The following LITAF variants were observed in gnomAD, a reference collection of about 807,000 sequenced individuals.
The protein encoded by LITAF is lipopolysaccharide-induced tumor necrosis factor-alpha factor.
Under a neutral mutation model 14.5 loss-of-function variants are expected in LITAF, and 9 were observed. The observed-to-expected ratio is 0.62, with a 90% CI of 0.37 to 1.08. The LOEUF (loss-of-function observed/expected upper bound fraction) is 1.08. Ranked by LOEUF, LITAF falls within the 50% of genes least tolerant of loss-of-function variation. LITAF has a pLI of 0.01. For synonymous variants in LITAF, 98 were observed against 88.2 expected (o/e 1.11, Z -0.62); for missense variants, 206 against 213.4 (o/e 0.97, Z 0.22).
intron 3 of LITAF, among the ~76,000 whole-genome samples, chr16:11,603,851 T>A (rs1024948622): frequency 6.6e-6 from 1 of 150,676 alleles, no homozygotes; most frequent in Admixed American, 6.6e-5. Context: ...GAGACCATCC[T>A]GGCTAACACA....
chr16:11,623,205 C>G (rs2065062239), intron 3 of LITAF, among the ~76,000 whole-genome samples: 1 of 151,454 alleles, frequency 6.6e-6, no homozygotes, highest in South Asian at 2.1e-4. Flanking sequence ...TTGTGATCCA[C>G]CTGCCTCAGC....
At chr16:11,593,354 C>CAAAAAAA (rs57678584) in intron 1 of LITAF, among the ~76,000 whole-genome samples, 2 of 54,750 alleles carry the variant, frequency 3.7e-5, no homozygotes, top group African/African-American at 7.1e-5. Context: ...AACTCTGTCT[C>CAAAAAAA]AAAAAAAAAA....
chr16:11,590,141 AGAG>A (rs1183487617), upstream of LITAF, among the ~76,000 whole-genome samples: 10 of 90,858 alleles, frequency 1.1e-4, 3 homozygotes, highest in African/African-American at 4.6e-4. Context: ...AAAAAAAAAA[AGAG>A]AGAGAGAGAA....
chr16:11,640,131 G>C (rs559367830), upstream of LITAF, among the ~76,000 whole-genome samples: 1 of 152,182 alleles, frequency 6.6e-6, no homozygotes, highest in Non-Finnish European at 1.5e-5. Context: ...TAGAAAGGGA[G>C]GTCCACTCTG....
At position 11,549,848 on chromosome 16, in the gene LITAF, G is replaced by T. The variant is rs1182778530; in HGVS notation, c.378-103C>A. On this transcript the variant is annotated intron_variant, in intron 3 of 3. Coordinates refer to ENST00000622633, the MANE Select transcript of LITAF (RefSeq NM_001136472.2). The surrounding 1 kb of genome is among the most constrained non-coding windows in gnomAD (Gnocchi z 4.6). Reference sequence around the variant, plus strand: ...GTCCTTCTTTGTAAAAAGGGTCTTTGCCAGTATAATTAGGAATTTTGAGAT... The same window carrying T: ...GTCCTTCTTTGTAAAAAGGGTCTTTTCCAGTATAATTAGGAATTTTGAGAT... 1.1e-6 allele frequency: 1 copy of T among 925,218 alleles called. No homozygotes were observed. Among genetic ancestry groups the T allele is most frequent in the Admixed American group, 2.0e-5 (1 of 49,670 alleles). 57.3% of individuals were successfully genotyped at this position (925,218 alleles called of 1,614,324 possible). A position where few individuals can be genotyped will look rare whatever the true frequency, so the allele number is the denominator to read the frequency against.
At chr16:11,606,098 T>A (rs968124136) in intron 3 of LITAF, among the ~76,000 whole-genome samples, 3 of 152,286 alleles carry the variant, frequency 2.0e-5, no homozygotes, top group Non-Finnish European at 2.9e-5. Flanking sequence ...CTCTACACCC[T>A]ACTCACCATC....
At chr16:11,565,982 AG>A (rs2064446105) in intron 1 of LITAF, among the ~76,000 whole-genome samples, 1 of 151,910 alleles carries the variant, frequency 6.6e-6, no homozygotes. Flanking sequence ...GCATGACTTT[AG>A]TGCCTCAGTT....
chr16:11,637,788 G>A (rs987233781), upstream of LITAF, among the ~76,000 whole-genome samples: 1 of 150,446 alleles, frequency 6.6e-6, no homozygotes. Context: ...GGCTGAGGTG[G>A]GAGCATCACT....
chr16:11,612,145 G>T (rs1184440250), intron 3 of LITAF, among the ~76,000 whole-genome samples: 1 of 152,190 alleles, frequency 6.6e-6, no homozygotes, highest in African/African-American at 2.4e-5. Context: ...GTGGAAACAG[G>T]GTCTCAAAGT....
intron 3 of LITAF, among the ~76,000 whole-genome samples, chr16:11,629,459 T>C (rs1403768496): frequency 1.3e-5 from 2 of 152,162 alleles, no homozygotes; most frequent in African/African-American, 4.8e-5. Context: ...AAGAGTTTTC[T>C]GAGTCAGTCC....
intron 3 of LITAF, among the ~76,000 whole-genome samples, chr16:11,619,617 A>G (rs1341195068): frequency 6.6e-6 from 1 of 151,620 alleles, no homozygotes; most frequent in Non-Finnish European, 1.5e-5. Context: ...ACCAGGCTGG[A>G]GTGCAGTGGT....
intron 3 of LITAF, among the ~76,000 whole-genome samples, chr16:11,633,063 C>T (rs2065125384): frequency 6.6e-6 from 1 of 152,186 alleles, no homozygotes; most frequent in African/African-American, 2.4e-5. Flanking sequence ...GTCTCTCTAG[C>T]CCCGTCACCC....
intron 1 of LITAF, among the ~76,000 whole-genome samples, chr16:11,596,862 GCA>G (rs1190682008): frequency 1.3e-5 from 2 of 151,772 alleles, no homozygotes; most frequent in Non-Finnish European, 2.9e-5. Flanking sequence ...ACAGTGATGG[GCA>G]CACAAGCTGA....
chr16:11,636,408 A>C (rs11640441), upstream of LITAF: 1 of 152,116 alleles, frequency 6.6e-6, no homozygotes, highest in Non-Finnish European at 1.5e-5. Flanking sequence ...AAGGTTTTAC[A>C]GATGAGCTTG....
upstream of LITAF, among the ~76,000 whole-genome samples, chr16:11,591,629 C>G (rs934762345): frequency 6.6e-6 from 1 of 152,128 alleles, no homozygotes; most frequent in Non-Finnish European, 1.5e-5. Context: ...ATGCCAAGAC[C>G]ATTCAATGGA....
chr16:11,617,775 C>T (rs549311531), intron 3 of LITAF, among the ~76,000 whole-genome samples: 3 of 152,134 alleles, frequency 2.0e-5, no homozygotes, highest in Non-Finnish European at 2.9e-5. Flanking sequence ...CAAGGGACAA[C>T]GCCATCTCTT....
chr16:11,612,319 G>T (rs957737095), intron 3 of LITAF, among the ~76,000 whole-genome samples: 10 of 152,182 alleles, frequency 6.6e-5, no homozygotes, highest in Admixed American at 5.9e-4. Flanking sequence ...AGCAGGCTTT[G>T]GCTGCACCGT....
At chr16:11,638,853 G>C (rs2065153604), upstream of LITAF, among the ~76,000 whole-genome samples, 1 of 149,566 alleles carries the variant, frequency 6.7e-6, no homozygotes, top group Non-Finnish European at 1.5e-5. Context: ...TCTCATTTTA[G>C]ATATACATAG....
At chr16:11,590,009 A>G (rs576338775), upstream of LITAF, among the ~76,000 whole-genome samples, 2 of 114,560 alleles carry the variant, frequency 1.7e-5, 1 homozygote, top group South Asian at 5.3e-4. Context: ...AAAAGGATAG[A>G]AGCTGGGTAT....
Sources: allele counts gnomAD v4.1 joint callset (sites outside exome capture counted in the v4.1 genomes callset), GRCh38; gene constraint gnomAD v4.1.1; non-coding constraint Gnocchi (gnomAD v3.1); transcripts MANE v1.5; gene names NCBI Gene and HGNC (gene_info 2026-07-23, HGNC 2026-07-21).